SCAPER: variants seen among roughly 807,000 people sequenced by gnomAD.
SCAPER encodes the protein S-phase cyclin A associated protein in the ER.
In SCAPER, 98 loss-of-function variants were observed where a neutral mutation model predicts 182.2. That is an observed-to-expected ratio of 0.54 (90% CI 0.46 to 0.64). SCAPER has a LOEUF of 0.64. SCAPER is among the 30% of genes least tolerant of loss of function. The pLI is 0.00. For synonymous variants in SCAPER, 605 were observed against 564.6 expected (o/e 1.07, Z -1.01); for missense variants, 1,432 against 1,690.0 (o/e 0.85, Z 2.68).
At position 76,775,050 on chromosome 15, in the gene SCAPER, T is replaced by G. The variant is rs773278804; in HGVS notation, c.840A>C (p.Ala280=). The change falls in exon 9 of 32, where the codon GCA becomes GCC. Residue 280 remains alanine (A), a synonymous_variant. Transcript: ENST00000563290. ...RGRPIRSRST[A]VMPKVSLATE... ...TTGCCAATGAAACTTTTGGCATCAC[T>G]GCTGTTGATCGAGAACGAATAGGCC... is the stretch of plus-strand genomic sequence containing the variant. 3.1e-6 allele frequency: 5 copies of G among 1,613,852 alleles called. No homozygotes were observed. In the Admixed American group the frequency reaches 8.3e-5, roughly 27 times the overall value.
At chr15:76,448,754 A>T (rs1357898676) in intron 25 of SCAPER, among the ~76,000 whole-genome samples, 1 of 152,190 alleles carries the variant, frequency 6.6e-6, no homozygotes, top group Non-Finnish European at 1.5e-5. Flanking sequence ...CTTAGAATCT[A>T]CTGGTGATCT....
At chr15:76,482,337 C>A (rs891202888) in intron 24 of SCAPER, among the ~76,000 whole-genome samples, 2 of 152,044 alleles carry the variant, frequency 1.3e-5, no homozygotes, top group African/African-American at 4.8e-5. Context: ...TAGAAAGTGA[C>A]AAGTTAGTTT....
intron 22 of SCAPER, among the ~76,000 whole-genome samples, chr15:76,596,183 T>C (rs1419696083): frequency 8.3e-6 from 1 of 120,384 alleles, no homozygotes; most frequent in African/African-American, 2.5e-5. Context: ...TAAACACCTC[T>C]ATGCAAATAA....
chr15:76,465,688 G>A (rs115475684), intron 25 of SCAPER, among the ~76,000 whole-genome samples: 1 of 151,998 alleles, frequency 6.6e-6, no homozygotes, highest in Non-Finnish European at 1.5e-5. Flanking sequence ...TTAATTTGGA[G>A]TTTTTTTAGT....
At chr15:76,639,614 G>A (rs1042039824) in intron 21 of SCAPER, among the ~76,000 whole-genome samples, 1 of 152,100 alleles carries the variant, frequency 6.6e-6, no homozygotes, top group East Asian at 1.9e-4. Flanking sequence ...TATCACTATG[G>A]CAATCATCAA....
chr15:76,408,381 A>AT, intron 26 of SCAPER, among the ~76,000 whole-genome samples: 1 of 152,266 alleles, frequency 6.6e-6, no homozygotes, highest in East Asian at 1.9e-4. Context: ...ATTTTTAATG[A>AT]TTGAATAATA....
chr15:76,543,463 A>T (rs1447074154), intron 23 of SCAPER, among the ~76,000 whole-genome samples: 1 of 152,192 alleles, frequency 6.6e-6, no homozygotes, highest in Non-Finnish European at 1.5e-5. Flanking sequence ...TTTTAAGTGT[A>T]CACTCCGTGG....
intron 23 of SCAPER, among the ~76,000 whole-genome samples, chr15:76,507,362 C>G (rs942736615): frequency 4.6e-5 from 7 of 152,038 alleles, no homozygotes; most frequent in Admixed American, 1.3e-4. Flanking sequence ...CATCTAAAAC[C>G]GAGGGAAAAT....
At chr15:76,697,868 G>A (rs925823982) in intron 20 of SCAPER, among the ~76,000 whole-genome samples, 4 of 152,016 alleles carry the variant, frequency 2.6e-5, no homozygotes, top group Non-Finnish European at 5.9e-5. Context: ...TCGAACTCCC[G>A]ACCTCAGGTG....
chr15:76,530,490 T>C (rs997553526), intron 23 of SCAPER, among the ~76,000 whole-genome samples: 2 of 152,106 alleles, frequency 1.3e-5, no homozygotes, highest in African/African-American at 4.8e-5. Context: ...ACGAGAAAAA[T>C]TTAAAGGCAT....
chr15:76,785,662 T>C (rs775226386), intron 8 of SCAPER, among the ~76,000 whole-genome samples: 2 of 152,050 alleles, frequency 1.3e-5, no homozygotes, highest in Non-Finnish European at 2.9e-5. Context: ...ATTAAGAAAA[T>C]GTGGCACATA....
At chr15:76,671,121 G>T (rs1276719007) in intron 20 of SCAPER, among the ~76,000 whole-genome samples, 1 of 150,930 alleles carries the variant, frequency 6.6e-6, no homozygotes, top group Non-Finnish European at 1.5e-5. Context: ...CGGGTGGATC[G>T]TCGAGCCCAG....
At chr15:76,730,513 A>C (rs1485403250) in intron 16 of SCAPER, among the ~76,000 whole-genome samples, 2 of 152,156 alleles carry the variant, frequency 1.3e-5, no homozygotes, top group Non-Finnish European at 2.9e-5. Flanking sequence ...TAGCCAAAAA[A>C]AATCAAAAAC....
At chr15:76,798,590 A>G (rs1418151728) in intron 7 of SCAPER, among the ~76,000 whole-genome samples, 3 of 152,156 alleles carry the variant, frequency 2.0e-5, no homozygotes, top group Non-Finnish European at 4.4e-5. Flanking sequence ...TGATAATCTC[A>G]GAGAGCCACA....
chr15:76,351,042 C>T (rs886493170), intron 31 of SCAPER, 195 bp downstream of exon 31: 6 of 458,034 alleles, frequency 1.3e-5, no homozygotes, highest in Non-Finnish European at 2.3e-5. Flanking sequence ...GATTTCTATA[C>T]ATATTTGGAT....
chr15:76,453,000 T>G (rs1023141653), intron 25 of SCAPER, among the ~76,000 whole-genome samples: 1 of 152,052 alleles, frequency 6.6e-6, no homozygotes, highest in African/African-American at 2.4e-5. Flanking sequence ...CCAGCTAAAT[T>G]TTTAAAAAAT....
chr15:76,831,968 A>G (rs979157641), intron 5 of SCAPER, among the ~76,000 whole-genome samples: 1 of 152,214 alleles, frequency 6.6e-6, no homozygotes, highest in Non-Finnish European at 1.5e-5. Flanking sequence ...ATCAAAGAAT[A>G]TAAGAGCAAA....
chr15:76,836,067 T>A (rs1033287197), intron 5 of SCAPER, among the ~76,000 whole-genome samples: 1 of 152,016 alleles, frequency 6.6e-6, no homozygotes, highest in Non-Finnish European at 1.5e-5. Context: ...TCCATGCTCA[T>A]GGATAGGAAG....
chr15:76,841,224 T>A (rs867197872), intron 5 of SCAPER, among the ~76,000 whole-genome samples: 1 of 151,848 alleles, frequency 6.6e-6, no homozygotes. Context: ...CCAAAAAAAA[T>A]CTTCAAAATC....
Sources: gnomAD v4.1 joint callset for allele counts (sites outside exome capture counted in the v4.1 genomes callset) on GRCh38, gnomAD v4.1.1 for gene constraint, MANE v1.5 for transcripts, NCBI Gene and HGNC (gene_info 2026-07-23, HGNC 2026-07-21) for gene names.